The following RCE1 variants were observed in gnomAD, a reference collection of about 807,000 sequenced individuals.
RCE1 encodes CAAX prenyl protease 2.
In RCE1, 15 loss-of-function variants were observed where a neutral mutation model predicts 35.0. The observed-to-expected ratio is 0.43, with a 90% CI of 0.29 to 0.66. The LOEUF is 0.66. Ranked by LOEUF, RCE1 falls within the 30% of genes least tolerant of loss-of-function variation. RCE1 has a pLI of 0.17. For missense variants in RCE1, 434 were observed against 433.0 expected, an observed-to-expected ratio of 1.00 and a Z score of -0.02; for synonymous variants, 261 against 192.7, an observed-to-expected ratio of 1.35 and a Z score of -2.94.
intron 7 of RCE1, 43 bp downstream of exon 7, chr11:66,845,605 G>T: frequency 6.2e-7 from 1 of 1,612,854 alleles, no homozygotes; most frequent in Middle Eastern, 1.6e-4. Context: ...GCCCACAGGA[G>T]CGGGTGGGAG....
Position 66,844,915 on chromosome 11 carries a change from G to C in RCE1, c.498G>C (p.Arg166=). Residue 166 remains arginine, a synonymous_variant, in exon 5 of 8, where the codon CGG becomes CGC. Coordinates refer to ENST00000309657, the MANE Select transcript of RCE1 (RefSeq NM_005133.3). The part of the protein sequence containing the change: ...ARCLTDMRWL[R]NQVIAPLTEE... ...GCCTCACAGACATGCGTTGGCTGCG[G>C]AACCAAGTGATCGCCCCGCTGACAG... The C allele has an allele frequency of 2.5e-6, 4 of 1,595,790 alleles. No individual in the cohort carries two copies. Among genetic ancestry groups the C allele is most frequent in the Non-Finnish European group, 3.4e-6 (4 of 1,171,514 alleles).
At position 66,845,571 on chromosome 11, in the gene RCE1, T is replaced by G. The variant is rs1315002124; in HGVS notation, c.754+9T>G. The G allele has an allele frequency of 3.1e-6, 5 of 1,614,094 alleles. No homozygotes were observed. The Admixed American group carries it at 8.3e-5, about 27-fold the overall frequency. On this transcript the variant is annotated intron_variant, in intron 7 of 7. Coordinates refer to ENST00000309657, the MANE Select transcript of RCE1 (RefSeq NM_005133.3). The stretch of plus-strand genomic sequence containing the variant: ...CCTCTTCATCCGCACAGGTTGGTCC[T>G]CAGTCCCTCATGGGTCCCTGGGGGC...
At position 66,845,174 on chromosome 11, in the gene RCE1, C is replaced by T; in HGVS notation, c.628C>T (p.His210Tyr). ...TGTCACCTTTTTCCCAGCCCATTTTCACCATATTATTGAGCAGCTGCGTTT... is the reference window on the plus strand; with the variant it reads ...TGTCACCTTTTTCCCAGCCCATTTTTACCATATTATTGAGCAGCTGCGTTT... ...CPLFFGVAHFHHIIEQLRFRQ... is the reference protein window; with the variant it reads ...CPLFFGVAHFYHIIEQLRFRQ... The change falls in exon 6 of 8, where the codon CAC becomes TAC. Residue 210 changes from histidine (H) to tyrosine (Y), a missense_variant. By Grantham distance (83) the His-to-Tyr change is moderately conservative. Coordinates refer to ENST00000309657, the MANE Select transcript of RCE1 (RefSeq NM_005133.3). 1 of 1,614,216 alleles carries T rather than the reference C, an allele frequency of 6.2e-7. No individual in the cohort carries two copies. Among genetic ancestry groups the T allele is most frequent in the South Asian group, 1.1e-5 (1 of 91,088 alleles).
At chr11:66,844,599 C>T (rs2135769790) in intron 4 of RCE1, 6 of 711,944 alleles carry the variant, frequency 8.4e-6, no homozygotes, top group Admixed American at 3.0e-5. Context: ...AGAGCACTGT[C>T]CCCTGCTTCC....
chr11:66,845,086 A>G, intron 5 of RCE1, 50 bp downstream of exon 5: 1 of 1,610,890 alleles, frequency 6.2e-7, no homozygotes, highest in Non-Finnish European at 8.5e-7. Context: ...GAGAGCTCAG[A>G]AGGGGGCTTG....
chr11:66,845,367 G>T (rs1186346346), intron 6 of RCE1, 130 bp downstream of exon 6: 2 of 1,577,902 alleles, frequency 1.3e-6, no homozygotes, highest in African/African-American at 2.7e-5. Context: ...TGGGGTGCAG[G>T]ACAGCTGTAG....
intron 3 of RCE1, 123 bp downstream of exon 3, chr11:66,844,162 C>G (rs973885921): frequency 4.4e-6 from 7 of 1,586,942 alleles, no homozygotes; most frequent in Middle Eastern, 3.3e-4. Context: ...GCCCCAGGGT[C>G]CTCCGGTATG....
At chr11:66,844,598 T>C (rs1388419257) in intron 4 of RCE1, 1 of 708,780 alleles carries the variant, frequency 1.4e-6, no homozygotes. Flanking sequence ...GAGAGCACTG[T>C]CCCCTGCTTC....
intron 6 of RCE1, 33 bp downstream of exon 6, chr11:66,845,270 G>A (rs1302982866): frequency 1.2e-6 from 2 of 1,613,896 alleles, no homozygotes; most frequent in Non-Finnish European, 1.7e-6. Flanking sequence ...GGGTTAGGGT[G>A]TATGATGATG....
Position 66,845,923 on chromosome 11 carries a change from GC to G in RCE1, c.819del (p.Cys273TrpfsTer98). 1 of 1,613,732 alleles carries G rather than the reference GC, an allele frequency of 6.2e-7. No homozygotes were observed. Among genetic ancestry groups the G allele is most frequent in the Non-Finnish European group, 8.5e-7 (1 of 1,180,040 alleles). ...AATTACATGGGTTTCCCAGCTGTTT[GC>G]GCGGCCTTGGAGCACCCACAGAGGC... ...FCNYMGFPAV[C>X]AALEHPQRRP... On this transcript the variant is annotated frameshift_variant, in exon 8 of 8. Transcript: ENST00000309657. LOFTEE classifies it high-confidence loss of function.
At chr11:66,844,736 C>T (rs1945170169) in intron 4 of RCE1, 133 bp from the exon 5 acceptor site, 1 of 1,282,058 alleles carries the variant, frequency 7.8e-7, no homozygotes, top group Non-Finnish European at 1.0e-6. Flanking sequence ...GTCCACACCC[C>T]CGTCCTCAGC....
rs1376811210 is a variant in RCE1, at chr11:66,843,543, G to T, written c.88G>T (p.Gly30Cys). The change falls in exon 1 of 8, where the codon GGC (glycine) becomes TGC (cysteine). Residue 30 changes from glycine (G) to cysteine (C), a missense_variant. Coordinates refer to ENST00000309657, the MANE Select transcript of RCE1 (RefSeq NM_005133.3). ...CGAGTCGGCGGCGCTGGGCGGCCTG[G>T]GCCCCGGGCTGTGCTGCTGGGTGTC... Reference protein sequence around the residue: ...PPESAALGGLGPGLCCWVSVF... With the variant: ...PPESAALGGLCPGLCCWVSVF... The T allele has an allele frequency of 6.5e-7, 1 of 1,541,400 alleles. No homozygotes were observed. The highest frequency in any genetic ancestry group is 2.5e-5 in the East Asian group (1 of 40,682).
intron 7 of RCE1, 79 bp downstream of exon 7, chr11:66,845,641 A>C: frequency 6.2e-7 from 1 of 1,603,156 alleles, no homozygotes; most frequent in Non-Finnish European, 8.5e-7. Context: ...TGTTCTAGGA[A>C]CAAAAGTTCT....
intron 5 of RCE1, 27 bp downstream of exon 5, chr11:66,845,063 G>C (rs753821049): frequency 4.4e-6 from 7 of 1,606,910 alleles, no homozygotes; most frequent in Non-Finnish European, 6.0e-6. Context: ...TAGTCCTGGT[G>C]TGTTTTCAGC....
At position 66,844,956 on chromosome 11, in the gene RCE1, G is replaced by T; in HGVS notation, c.539G>T (p.Arg180Leu). The change falls in exon 5 of 8, where the codon CGG becomes CTG. Residue 180 changes from arginine (R) to leucine (L), a missense_variant. Arg to Leu is a moderately radical substitution (Grantham distance 102). Transcript: ENST00000309657. ...IAPLTEELVF[R>L]ACMLPMLAPC... ...CCGCTGACAGAGGAGCTGGTGTTCC[G>T]GGCCTGTATGCTGCCCATGTTAGCA... is the stretch of plus-strand genomic sequence containing the variant. The T allele has an allele frequency of 6.2e-7, 1 of 1,607,340 alleles. No homozygotes were observed. The highest frequency in any genetic ancestry group is 8.5e-7 in the Non-Finnish European group (1 of 1,176,564).
chr11:66,845,155 C>T lies in RCE1; in HGVS notation c.620-11C>T, dbSNP rs1591101904. On this transcript the variant is annotated splice_polypyrimidine_tract_variant and intron_variant, in intron 5 of 7. Transcript: ENST00000309657. ...GGAATGACTGTGATGTGATTGTCAC[C>T]TTTTTCCCAGCCCATTTTCACCATA... The T allele has an allele frequency of 1.2e-6, 2 of 1,614,210 alleles. No homozygotes were observed. Among genetic ancestry groups the T allele is most frequent in the Non-Finnish European group, 8.5e-7 (1 of 1,180,030 alleles).
chr11:66,845,331 T>C lies in RCE1; in HGVS notation c.691+94T>C. 7 of 1,594,850 alleles carry C rather than the reference T, an allele frequency of 4.4e-6. No homozygotes were observed. The South Asian group carries it at 5.6e-5, about 13-fold the overall frequency. ...AATTGGGAACTGAGGGCCACAGTATTGGAGAGGCCACTGACCGTGGGAAGT... is the reference window on the plus strand; with the variant it reads ...AATTGGGAACTGAGGGCCACAGTATCGGAGAGGCCACTGACCGTGGGAAGT... On this transcript the variant is annotated intron_variant, in intron 6 of 7. Coordinates refer to ENST00000309657, the MANE Select transcript of RCE1 (RefSeq NM_005133.3).
Position 66,846,280 on chromosome 11 carries a change from C to G in RCE1, c.*185C>G, listed in dbSNP as rs938797537. ...AGCAGATATCCAAAGGGTGCAGCCCCTTTTGAAAGGGGTGTTTACGAGCAG... is the reference window on the plus strand; with the variant it reads ...AGCAGATATCCAAAGGGTGCAGCCCGTTTTGAAAGGGGTGTTTACGAGCAG... On this transcript the variant is annotated 3_prime_UTR_variant, in exon 8 of 8. Transcript: ENST00000309657. 3 of 733,904 alleles carry G rather than the reference C, an allele frequency of 4.1e-6. No individual in the cohort carries two copies. Among genetic ancestry groups the G allele is most frequent in the Non-Finnish European group, 6.3e-6 (3 of 475,860 alleles). 45.5% of individuals were successfully genotyped at this position (733,904 alleles called of 1,614,324 possible).
At chr11:66,845,366 G>C (rs1174068392) in intron 6 of RCE1, 129 bp downstream of exon 6, 2 of 1,578,648 alleles carry the variant, frequency 1.3e-6, no homozygotes, top group East Asian at 4.5e-5. Context: ...TTGGGGTGCA[G>C]GACAGCTGTA....
Sources: gnomAD v4.1 joint callset for allele counts on GRCh38, gnomAD v4.1.1 for gene constraint, MANE v1.5 for transcripts, NCBI Gene and HGNC (gene_info 2026-07-23, HGNC 2026-07-21) for gene names.